The following CAMK2B variants were observed in gnomAD, a reference collection of about 807,000 sequenced individuals.
CAMK2B encodes the protein calcium/calmodulin dependent protein kinase II beta, also known as calcium/calmodulin-dependent protein kinase type II subunit beta.
CAMK2B carries 27 observed loss-of-function variants against 93.7 expected under a neutral mutation model. The ratio of observed to expected loss-of-function variants is 0.29; its 90% CI spans 0.21 to 0.40. The LOEUF (loss-of-function observed/expected upper bound fraction) is 0.40, where lower values mean the gene tolerates loss of function less well. CAMK2B is among the 10% of genes least tolerant of loss of function. The pLI is 1.00. For synonymous variants in CAMK2B, 374 were observed against 358.8 expected (o/e 1.04, Z -0.48); for missense variants, 568 against 895.8 (o/e 0.63, Z 4.67).
chr7:44,269,335 C>T (rs1159982706), intron 2 of CAMK2B, among the ~76,000 whole-genome samples: 1 of 152,230 alleles, frequency 6.6e-6, no homozygotes, highest in Admixed American at 6.5e-5. Context: ...GACCAGTGCC[C>T]CCCGCGGGGG....
chr7:44,219,394 T>G lies in CAMK2B; in HGVS notation c.*131A>C, dbSNP rs1264778702. On this transcript the variant is annotated 3_prime_UTR_variant, in exon 24 of 24. Coordinates refer to ENST00000395749, the MANE Select transcript of CAMK2B (RefSeq NM_001220.5). The stretch of plus-strand genomic sequence containing the variant: ...TTTTTTAACAAATCACATCTGGTCT[T>G]GTTTTTCTGCAGACACAGGCACCAG... 1 of 149,686 alleles carries G rather than the reference T, an allele frequency of 6.7e-6. No homozygotes were observed. The highest frequency in any genetic ancestry group is 2.5e-5 in the African/African-American group (1 of 40,412). The allele number at this position is 149,686 out of a possible 1,614,324, so 9.3% of individuals were successfully genotyped here.
intron 3 of CAMK2B, among the ~76,000 whole-genome samples, chr7:44,261,380 A>G (rs2096877963): frequency 6.6e-6 from 1 of 152,250 alleles, no homozygotes; most frequent in Non-Finnish European, 1.5e-5. Context: ...CCCCATGGGC[A>G]GCTCCAAGGG....
At chr7:44,260,302 T>C (rs2096869279) in intron 3 of CAMK2B, among the ~76,000 whole-genome samples, 1 of 152,170 alleles carries the variant, frequency 6.6e-6, no homozygotes, top group Non-Finnish European at 1.5e-5. Context: ...CCCAGCCTGA[T>C]AGCGTCCTTA....
intron 1 of CAMK2B, among the ~76,000 whole-genome samples, chr7:44,304,667 A>C (rs75608855): frequency 0.013 from 1,941 of 152,344 alleles, 47 homozygotes; most frequent in African/African-American, 0.044. Flanking sequence ...TGACACTGTA[A>C]TGACAGATAC....
chr7:44,265,943 G>A (rs1362839000), intron 2 of CAMK2B, among the ~76,000 whole-genome samples: 2 of 152,028 alleles, frequency 1.3e-5, no homozygotes, highest in Non-Finnish European at 2.9e-5. Flanking sequence ...CGTATCGAGT[G>A]CTTCACTCTC....
At chr7:44,318,829 T>A (rs1200979595) in intron 1 of CAMK2B, among the ~76,000 whole-genome samples, 1 of 152,202 alleles carries the variant, frequency 6.6e-6, no homozygotes, top group East Asian at 1.9e-4. Context: ...TAACAAAGAA[T>A]CATAACTTAA....
intron 2 of CAMK2B, among the ~76,000 whole-genome samples, chr7:44,263,658 G>T (rs1309472883): frequency 6.6e-6 from 1 of 152,162 alleles, no homozygotes; most frequent in African/African-American, 2.4e-5. Context: ...GAGGTGACTG[G>T]TGCCCCTTGG....
chr7:44,254,321 G>A (rs971171594), intron 5 of CAMK2B, among the ~76,000 whole-genome samples: 37 of 152,378 alleles, frequency 2.4e-4, no homozygotes, highest in African/African-American at 8.4e-4. Flanking sequence ...CCAGGGCCAA[G>A]CCCTCTGAAC....
chr7:44,277,422 G>A (rs1275939824), intron 2 of CAMK2B, among the ~76,000 whole-genome samples: 3 of 152,154 alleles, frequency 2.0e-5, no homozygotes, highest in East Asian at 1.9e-4. Flanking sequence ...CAGTGTCCGC[G>A]TGGCCGAGTA....
chr7:44,276,515 G>A (rs948802916), intron 2 of CAMK2B, among the ~76,000 whole-genome samples: 9 of 152,160 alleles, frequency 5.9e-5, no homozygotes, highest in Non-Finnish European at 8.8e-5. Flanking sequence ...CCTGGGGTGC[G>A]GGCTCAGCCC....
At chr7:44,274,487 C>T (rs994327499) in intron 2 of CAMK2B, among the ~76,000 whole-genome samples, 20 of 152,346 alleles carry the variant, frequency 1.3e-4, no homozygotes, top group African/African-American at 4.8e-4. Context: ...ACCCAGGCCT[C>T]AAACCCGCAC....
chr7:44,324,823 A>G (rs1234923628), intron 1 of CAMK2B, among the ~76,000 whole-genome samples: 1 of 152,144 alleles, frequency 6.6e-6, no homozygotes, highest in Non-Finnish European at 1.5e-5. Context: ...CCTACAGCAG[A>G]GGCTCTCCCA....
Position 44,218,043 on chromosome 7 carries a change from C to T in CAMK2B, c.*1482G>A, listed in dbSNP as rs560706388. 6.5e-6 allele frequency: 1 copy of T among 152,744 alleles called. No homozygotes were observed. Among genetic ancestry groups the T allele is most frequent in the Non-Finnish European group, 1.5e-5 (1 of 68,338 alleles). 9.5% of individuals were successfully genotyped at this position (152,744 alleles called of 1,614,324 possible). A position where few individuals can be genotyped will look rare whatever the true frequency, so the allele number is the denominator to read the frequency against. On this transcript the variant is annotated 3_prime_UTR_variant, in exon 24 of 24. Coordinates refer to ENST00000395749, the MANE Select transcript of CAMK2B (RefSeq NM_001220.5). ...CTGGTGTCCTGGGCCCTGTGCCCAC[C>T]TGTTTCTGTCCCCAGCCCGCCTTAT... is the stretch of plus-strand genomic sequence containing the variant.
At chr7:44,299,109 T>C (rs191769896) in intron 1 of CAMK2B, among the ~76,000 whole-genome samples, 1 of 152,314 alleles carries the variant, frequency 6.6e-6, no homozygotes, top group Non-Finnish European at 1.5e-5. Context: ...CATAGCAGCA[T>C]TATTCACAAT....
chr7:44,294,886 T>C (rs542884577), intron 1 of CAMK2B, among the ~76,000 whole-genome samples: 23 of 152,036 alleles, frequency 1.5e-4, no homozygotes, highest in Non-Finnish European at 2.5e-4. Flanking sequence ...CAGATACACA[T>C]GGGGATTGGC....
chr7:44,262,442 G>A (rs1043732570), intron 3 of CAMK2B, among the ~76,000 whole-genome samples: 39 of 152,222 alleles, frequency 2.6e-4, no homozygotes, highest in African/African-American at 8.7e-4. Context: ...AGTTCCAGAA[G>A]CCCTGGGCCA....
chr7:44,270,566 G>C (rs1370185095), intron 2 of CAMK2B, among the ~76,000 whole-genome samples: 2 of 152,252 alleles, frequency 1.3e-5, no homozygotes, highest in Non-Finnish European at 2.9e-5. Context: ...GCAGGGGCCT[G>C]CTATGGGATG....
At chr7:44,313,502 G>C (rs1350123235) in intron 1 of CAMK2B, among the ~76,000 whole-genome samples, 3 of 150,170 alleles carry the variant, frequency 2.0e-5, no homozygotes, top group African/African-American at 7.5e-5. Flanking sequence ...TAGAGTCCCA[G>C]AACGTGAGGT....
At chr7:44,320,246 C>G (rs1795762690) in intron 1 of CAMK2B, among the ~76,000 whole-genome samples, 1 of 152,092 alleles carries the variant, frequency 6.6e-6, no homozygotes, top group African/African-American at 2.4e-5. Context: ...AGGTAGGGGG[C>G]CCTTGGTTTG....
Sources: gnomAD v4.1 joint callset for allele counts (sites outside exome capture counted in the v4.1 genomes callset) on GRCh38, gnomAD v4.1.1 for gene constraint, MANE v1.5 for transcripts, NCBI Gene and HGNC (gene_info 2026-07-23, HGNC 2026-07-21) for gene names.